The following PRKAR1B variants were observed in gnomAD, a reference collection of about 807,000 sequenced individuals.
The protein encoded by PRKAR1B is protein kinase cAMP-dependent type I regulatory subunit beta, also known as cAMP-dependent protein kinase type I-beta regulatory subunit.
PRKAR1B carries 22 observed loss-of-function variants against 46.5 expected under a neutral mutation model. The observed-to-expected ratio is 0.47, with a 90% CI of 0.34 to 0.68. PRKAR1B has a LOEUF of 0.68. Ranked by LOEUF, PRKAR1B falls within the 30% of genes least tolerant of loss-of-function variation. PRKAR1B has a pLI of 0.01. For missense variants in PRKAR1B, 445 were observed against 535.6 expected (o/e 0.83, Z 1.67); for synonymous variants, 259 against 217.7 (o/e 1.19, Z -1.67).
intron 4 of PRKAR1B, among the ~76,000 whole-genome samples, chr7:614,376 C>G (rs771538632): frequency 6.6e-6 from 1 of 152,210 alleles, no homozygotes; most frequent in Non-Finnish European, 1.5e-5. Context: ...GAGAACGCCC[C>G]GTTTACATCC....
At position 556,482 on chromosome 7, in the gene PRKAR1B, A is replaced by G. The variant is rs1778443028; in HGVS notation, c.892-5012T>C. ...GGAACGGAGTCACATAAAGGGGTAA[A>G]ACACCGTCAATAACGCGGAACAGTC... On this transcript the variant is annotated intron_variant, in intron 9 of 10. Coordinates refer to ENST00000537384, the MANE Select transcript of PRKAR1B (RefSeq NM_001164760.2). Among the ~76,000 whole-genome samples, 4 of 152,214 alleles carry G rather than the reference A, an allele frequency of 2.6e-5. 1 individual carries two copies. The South Asian group carries it at 8.3e-4, about 32-fold the overall frequency.
At chr7:609,742 T>TC (rs1225005035) in intron 4 of PRKAR1B, among the ~76,000 whole-genome samples, 15 of 152,202 alleles carry the variant, frequency 9.9e-5, no homozygotes, top group African/African-American at 3.6e-4. Flanking sequence ...TGCCTAGTAT[T>TC]CTTTTTTTTC....
At chr7:707,922 A>G (rs1160806455) in intron 2 of PRKAR1B, among the ~76,000 whole-genome samples, 1 of 150,594 alleles carries the variant, frequency 6.6e-6, no homozygotes, top group Non-Finnish European at 1.5e-5. Context: ...GAGCCGGGGG[A>G]GACACAGAAC....
At chr7:724,799 G>A (rs764613886) in intron 1 of PRKAR1B, among the ~76,000 whole-genome samples, 4 of 152,206 alleles carry the variant, frequency 2.6e-5, no homozygotes, top group Non-Finnish European at 4.4e-5. Context: ...CAGGGACCAT[G>A]GCCAGTTTCT....
chr7:605,231 G>A (rs912241032), intron 6 of PRKAR1B, among the ~76,000 whole-genome samples: 1 of 152,248 alleles, frequency 6.6e-6, no homozygotes, highest in Non-Finnish European at 1.5e-5. Flanking sequence ...TGTCACTGAG[G>A]TCCTTCCCGC....
chr7:681,216 C>A (rs1562611951), intron 2 of PRKAR1B, among the ~76,000 whole-genome samples: 1 of 151,866 alleles, frequency 6.6e-6, no homozygotes, highest in South Asian at 2.1e-4. Flanking sequence ...TCCTGAGGCC[C>A]CCCGAGCCAT....
At chr7:708,143 C>T (rs561927304) in intron 2 of PRKAR1B, among the ~76,000 whole-genome samples, 2 of 150,014 alleles carry the variant, frequency 1.3e-5, no homozygotes, top group Admixed American at 6.6e-5. Flanking sequence ...CACCCAGAGC[C>T]GGGGGAGACA....
chr7:660,366 C>A (rs921932660), intron 4 of PRKAR1B, among the ~76,000 whole-genome samples: 26 of 152,036 alleles, frequency 1.7e-4, no homozygotes, highest in Non-Finnish European at 2.9e-4. Flanking sequence ...CAAATACCTA[C>A]AATCCCTCCC....
chr7:561,179 AC>A (rs1778772456), intron 9 of PRKAR1B, among the ~76,000 whole-genome samples: 1 of 150,900 alleles, frequency 6.6e-6, no homozygotes, highest in Non-Finnish European at 1.5e-5. Context: ...GTACGTGCAT[AC>A]ACACATGCAC....
intron 7 of PRKAR1B, among the ~76,000 whole-genome samples, chr7:595,045 G>A (rs560792351): frequency 5.1e-4 from 77 of 152,348 alleles, no homozygotes; most frequent in African/African-American, 1.7e-3. Flanking sequence ...CTGCCCTCAA[G>A]CTCCCACCGT....
rs189639456 is a variant in PRKAR1B, at chr7:695,860, T to G, written c.178-15134A>C. ...TTTGTATTTTTAGTAGAGATGGGGT[T>G]TCAGCGTGTTAGCCATGATGGTCTC... On this transcript the variant is annotated intron_variant, in intron 2 of 10. Transcript: ENST00000537384. 3.9e-5 allele frequency among the ~76,000 whole-genome samples: 6 copies of G among 152,152 alleles called. No individual in the cohort carries two copies. In the East Asian group the frequency reaches 7.7e-4, roughly 20 times the overall value.
chr7:586,016 T>C (rs1015668801), intron 7 of PRKAR1B, among the ~76,000 whole-genome samples: 2 of 152,078 alleles, frequency 1.3e-5, no homozygotes, highest in African/African-American at 4.8e-5. Flanking sequence ...GCATGTGCAG[T>C]TTCTGAACAT....
At chr7:572,788 T>C (rs1256270254) in intron 9 of PRKAR1B, among the ~76,000 whole-genome samples, 1 of 152,126 alleles carries the variant, frequency 6.6e-6, no homozygotes, top group Non-Finnish European at 1.5e-5. Flanking sequence ...TCCGTGGCCC[T>C]ACAGGGATGA....
chr7:551,021 C>G (rs1377972090), intron 10 of PRKAR1B, among the ~76,000 whole-genome samples: 1 of 150,824 alleles, frequency 6.6e-6, no homozygotes, highest in East Asian at 2.0e-4. Context: ...GCAGGAATGC[C>G]CAGGTGCACC....
chr7:611,970 AACGGATGG>A (rs1225167919), intron 4 of PRKAR1B, among the ~76,000 whole-genome samples: 1 of 143,946 alleles, frequency 6.9e-6, no homozygotes, highest in Non-Finnish European at 1.5e-5. Context: ...TGAGTAGATC[AACGGATGG>A]ATGGATGGAT....
chr7:719,230 C>T (rs949091434), intron 1 of PRKAR1B, among the ~76,000 whole-genome samples: 1 of 151,788 alleles, frequency 6.6e-6, no homozygotes, highest in Non-Finnish European at 1.5e-5. Context: ...AGTAGAGACG[C>T]GGTTTCACCC....
At chr7:649,151 G>A (rs1038968017) in intron 4 of PRKAR1B, among the ~76,000 whole-genome samples, 2 of 152,222 alleles carry the variant, frequency 1.3e-5, no homozygotes, top group Non-Finnish European at 2.9e-5. Context: ...GTGACAGAGT[G>A]AGACTCCGTC....
chr7:622,088 G>A (rs1161046460), intron 4 of PRKAR1B, among the ~76,000 whole-genome samples: 2 of 152,210 alleles, frequency 1.3e-5, no homozygotes, highest in African/African-American at 4.8e-5. Context: ...TTGTGGAACT[G>A]CAGCCAGAGG....
At chr7:662,367 C>T (rs1402576986) in intron 4 of PRKAR1B, among the ~76,000 whole-genome samples, 6 of 130,400 alleles carry the variant, frequency 4.6e-5, no homozygotes, top group African/African-American at 6.0e-5. Flanking sequence ...CCCACCCCAA[C>T]GGGTCCAAAT....
Sources: allele counts gnomAD v4.1 joint callset (sites outside exome capture counted in the v4.1 genomes callset), GRCh38; gene constraint gnomAD v4.1.1; transcripts MANE v1.5; gene names NCBI Gene and HGNC (gene_info 2026-07-23, HGNC 2026-07-21).